Variants in COG6 observed in about 807,000 individuals in gnomAD.
The protein encoded by COG6 is conserved oligomeric Golgi complex subunit 6.
A neutral mutation model predicts 88.8 loss-of-function variants in COG6; 74 were observed. The ratio of observed to expected loss-of-function variants is 0.83; its 90% confidence interval spans 0.69 to 1.01. The LOEUF is 1.01. Ranked by LOEUF, COG6 falls within the 50% of genes least tolerant of loss-of-function variation. COG6 has a pLI of 0.00. For synonymous variants in COG6, 286 were observed against 278.7 expected (o/e 1.03, Z -0.26); for missense variants, 800 against 797.9 (o/e 1.00, Z -0.03).
At chr13:39,701,743 G>C (rs1331002099) in intron 13 of COG6, among the ~76,000 whole-genome samples, 1 of 151,940 alleles carries the variant, frequency 6.6e-6, no homozygotes, top group Admixed American at 6.6e-5. Flanking sequence ...GAGCCAGGTT[G>C]TAGTACGTAG....
At chr13:39,709,988 A>G (rs1878150428) in intron 13 of COG6, among the ~76,000 whole-genome samples, 1 of 152,112 alleles carries the variant, frequency 6.6e-6, no homozygotes, top group South Asian at 2.1e-4. Context: ...TAGATTATTT[A>G]TTTATTCCAT....
intron 18 of COG6, among the ~76,000 whole-genome samples, chr13:39,781,906 T>G (rs977543070): frequency 1.3e-5 from 2 of 152,190 alleles, no homozygotes; most frequent in Non-Finnish European, 2.9e-5. Context: ...ATTAAACCTG[T>G]TATATTTGGT....
At chr13:39,771,057 A>T (rs1881306692) in intron 18 of COG6, among the ~76,000 whole-genome samples, 1 of 152,164 alleles carries the variant, frequency 6.6e-6, no homozygotes, top group South Asian at 2.1e-4. Flanking sequence ...ATGTCATGTA[A>T]GTAGCTGCAG....
chr13:39,777,542 C>T (rs1398331421), intron 18 of COG6, among the ~76,000 whole-genome samples: 2 of 152,128 alleles, frequency 1.3e-5, no homozygotes, highest in Non-Finnish European at 2.9e-5. Context: ...TGGTGGAAAA[C>T]TTGAACTTTG....
intron 8 of COG6, 95 bp downstream of exon 8, chr13:39,682,359 T>G: frequency 2.8e-6 from 2 of 719,346 alleles, no homozygotes; most frequent in South Asian, 3.2e-5. Context: ...TATAATAGTT[T>G]GAGTAATATT....
At chr13:39,690,863 A>T (rs1001098305) in intron 11 of COG6, among the ~76,000 whole-genome samples, 4 of 151,892 alleles carry the variant, frequency 2.6e-5, no homozygotes, top group African/African-American at 9.7e-5. Flanking sequence ...TACTTGTCAT[A>T]GTTTGATGTA....
intron 10 of COG6, 144 bp downstream of exon 10, chr13:39,687,943 G>A (rs960279809): frequency 2.9e-6 from 2 of 695,610 alleles, no homozygotes; most frequent in African/African-American, 1.8e-5. Flanking sequence ...CTCTTCTCTA[G>A]ATTCTCCCTC....
At chr13:39,668,644 C>T (rs902585445) in intron 4 of COG6, among the ~76,000 whole-genome samples, 7 of 151,926 alleles carry the variant, frequency 4.6e-5, no homozygotes, top group African/African-American at 1.4e-4. Context: ...AAAAATTAGC[C>T]GGGCGTGGTG....
chr13:39,762,761 GT>G (rs199547975), intron 18 of COG6, among the ~76,000 whole-genome samples: 1,415 of 139,194 alleles, frequency 0.01, 17 homozygotes, highest in African/African-American at 0.026. Flanking sequence ...CAAAATAAGA[GT>G]TTTTTTTTTT....
At position 39,752,138 on chromosome 13, in the gene COG6, TCTTGTCAGC is replaced by T; in HGVS notation, c.*1046_*1054del. 8.2e-7 allele frequency: 1 copy of T among 1,214,522 alleles called. No homozygotes were observed. The highest frequency in any genetic ancestry group is 3.1e-5 in the Admixed American group (1 of 32,102). 75.2% of individuals were successfully genotyped at this position (1,214,522 alleles called of 1,614,324 possible). ...AATCCCAGTGTGCCTGATTTGACAT[TCTTGTCAGC>T]AAAAAAAAACTTAATTTCTAGTAAA... is the stretch of plus-strand genomic sequence containing the variant. On this transcript the variant is annotated 3_prime_UTR_variant, in exon 19 of 19. Coordinates refer to ENST00000455146, the MANE Select transcript of COG6 (RefSeq NM_020751.3).
chr13:39,707,958 T>G (rs1878033791), intron 13 of COG6, among the ~76,000 whole-genome samples: 1 of 152,232 alleles, frequency 6.6e-6, no homozygotes, highest in Non-Finnish European at 1.5e-5. Context: ...TAGATATTGC[T>G]AAGTATTTTT....
intron 4 of COG6, among the ~76,000 whole-genome samples, chr13:39,674,216 C>T (rs1010807860): frequency 4.0e-5 from 6 of 150,924 alleles, no homozygotes; most frequent in Non-Finnish European, 7.4e-5. Context: ...CCCCCCTCCC[C>T]CTACCCCACG....
At chr13:39,716,349 C>A (rs9566473) in intron 13 of COG6, among the ~76,000 whole-genome samples, 2 of 152,004 alleles carry the variant, frequency 1.3e-5, no homozygotes, top group East Asian at 3.9e-4. Context: ...CAACGTATAT[C>A]TTTTTATATC....
chr13:39,787,891 T>A (rs1881824287), intron 18 of COG6, among the ~76,000 whole-genome samples: 1 of 152,216 alleles, frequency 6.6e-6, no homozygotes. Flanking sequence ...GACTTGGGCA[T>A]CTGTGGATTT....
In COG6 at chr13:39,719,243, TC is replaced by T; in HGVS notation, c.1295del (p.Pro432HisfsTer11). ...AATCATCTCTTGTTTTAGGTTGAAC[TC>T]CCACCACCTGATCTTGGACCAAGTT... ...HASKLMDKVE[L>X]PPPDLGPSSA... On this transcript the variant is annotated frameshift_variant, in exon 14 of 19. Coordinates refer to ENST00000455146, the MANE Select transcript of COG6 (RefSeq NM_020751.3). LOFTEE classifies it high-confidence loss of function. The T allele has an allele frequency of 6.2e-7, 1 of 1,612,558 alleles. No individual in the cohort carries two copies. Among genetic ancestry groups the T allele is most frequent in the Non-Finnish European group, 8.5e-7 (1 of 1,178,962 alleles).
At chr13:39,673,210 A>G (rs561280654) in intron 4 of COG6, among the ~76,000 whole-genome samples, 1 of 152,172 alleles carries the variant, frequency 6.6e-6, no homozygotes, top group Admixed American at 6.5e-5. Context: ...TATCATTTAT[A>G]GCACATTTTA....
chr13:39,703,533 G>A (rs187645476), intron 13 of COG6, among the ~76,000 whole-genome samples: 1 of 152,156 alleles, frequency 6.6e-6, no homozygotes, highest in East Asian at 1.9e-4. Context: ...TTTGCCTGTA[G>A]TATTTTCTGA....
chr13:39,727,427 C>T (rs747789928), intron 17 of COG6, 42 bp from the exon 18 acceptor site: 2 of 1,404,394 alleles, frequency 1.4e-6, no homozygotes, highest in Non-Finnish European at 2.0e-6. Context: ...TTTGTTAGCA[C>T]ATATATGTAC....
chr13:39,768,278 T>G (rs945281155), intron 18 of COG6, among the ~76,000 whole-genome samples: 3 of 152,258 alleles, frequency 2.0e-5, no homozygotes, highest in Admixed American at 2.0e-4. Context: ...ACTTACTTGC[T>G]GGTCCCTGGG....
Sources: gnomAD v4.1 joint callset for allele counts (sites outside exome capture counted in the v4.1 genomes callset) on GRCh38, gnomAD v4.1.1 for gene constraint, MANE v1.5 for transcripts, NCBI Gene and HGNC (gene_info 2026-07-23, HGNC 2026-07-21) for gene names.